Variants in HR observed in about 807,000 individuals in gnomAD.
HR encodes the protein HR lysine demethylase and nuclear receptor corepressor.
Under a neutral mutation model 128.6 loss-of-function variants are expected in HR, and 83 were observed. The ratio of observed to expected loss-of-function variants is 0.65; its 90% CI spans 0.54 to 0.77. HR has a LOEUF of 0.77. Among genes scored for constraint, HR ranks in the 30% least tolerant of loss-of-function variants. The pLI is 0.00. For synonymous variants in HR, 681 were observed against 658.2 expected (o/e 1.03, Z -0.53); for missense variants, 1,490 against 1,574.6 (o/e 0.95, Z 0.91).
chr8:22,123,809 T>A lies in HR; in HGVS notation c.1755A>T (p.Gln585His). The A allele has an allele frequency of 1.3e-6, 2 of 1,598,768 alleles. No homozygotes were observed. The highest frequency in any genetic ancestry group is 1.7e-6 in the Non-Finnish European group (2 of 1,175,628). The change falls in exon 6 of 19, where the codon CAA (glutamine) becomes CAT (histidine). Residue 585 changes from glutamine (Q) to histidine (H), a missense_variant. Transcript: ENST00000381418. ...EALAWAQREG[Q>H]GPAVTEDSPG... ...GGCTGTCCTCTGTCACGGCTGGCCC[T>A]TGGCCTGCTGACCACGGAGAGAACA...
rs1283332728 is a variant in HR, at chr8:22,125,513, A to G, written c.1557-9T>C. On this transcript the variant is annotated splice_polypyrimidine_tract_variant and intron_variant, in intron 4 of 18. Coordinates refer to ENST00000381418, the MANE Select transcript of HR (RefSeq NM_005144.5). Reference sequence around the variant, plus strand: ...CCCCTCCCAGAGGCGATCTGGAGAGAGGGCAGGGGGAGGTGAGCAGGGAGC... The same window carrying G: ...CCCCTCCCAGAGGCGATCTGGAGAGGGGGCAGGGGGAGGTGAGCAGGGAGC... 1.2e-6 allele frequency: 2 copies of G among 1,613,266 alleles called. No individual in the cohort carries two copies. The highest frequency in any genetic ancestry group is 8.5e-7 in the Non-Finnish European group (1 of 1,179,872).
At chr8:22,120,033 G>A (rs1826695627) in intron 13 of HR, 71 bp downstream of exon 13, 1 of 1,563,968 alleles carries the variant, frequency 6.4e-7, no homozygotes, top group African/African-American at 1.4e-5. Context: ...GGCAGAGGAG[G>A]AGGGGAGGGC....
Position 22,116,178 on chromosome 8 carries a change from C to T in HR, c.3507+122G>A, listed in dbSNP as rs1340129166. 2 of 1,359,116 alleles carry T rather than the reference C, an allele frequency of 1.5e-6. No individual in the cohort carries two copies. Among genetic ancestry groups the T allele is most frequent in the Admixed American group, 1.7e-5 (1 of 57,328 alleles). The allele number at this position is 1,359,116 out of a possible 1,614,324, so 84.2% of individuals were successfully genotyped here. A position where few individuals can be genotyped will look rare whatever the true frequency, so the allele number is the denominator to read the frequency against. On this transcript the variant is annotated intron_variant, in intron 18 of 18. Coordinates refer to ENST00000381418, the MANE Select transcript of HR (RefSeq NM_005144.5). This position sits in a 1 kb window ranked among gnomAD's most constrained non-coding sequence, Gnocchi z 4.2. ...AACTAAACAAAAGGAATACTCTGCC[C>T]CTGCACAGGGTGGCTGCCTGCTTGG...
chr8:22,130,273 T>G (rs1292466814), intron 1 of HR, among the ~76,000 whole-genome samples, 155 bp downstream of exon 1: 1 of 152,186 alleles, frequency 6.6e-6, no homozygotes, highest in Admixed American at 6.5e-5. Flanking sequence ...CGCTCCGCCG[T>G]GGTCTGGCCG....
intron 10 of HR, 24 bp downstream of exon 10, chr8:22,121,041 C>T: frequency 6.2e-7 from 1 of 1,613,258 alleles, no homozygotes; most frequent in Non-Finnish European, 8.5e-7. Flanking sequence ...TGGCTCCTAG[C>T]CCTCCCTCCG....
chr8:22,121,505 G>A (rs963055949), intron 9 of HR, 108 bp downstream of exon 9: 2 of 1,168,244 alleles, frequency 1.7e-6, no homozygotes, highest in Non-Finnish European at 1.3e-6. Context: ...TTGGGGGTGG[G>A]GGGGAGTTGC....
chr8:22,129,144 C>T lies in HR; in HGVS notation c.27G>A (p.Lys9=), dbSNP rs77620102. 8,840 of 1,548,222 alleles carry T rather than the reference C, an allele frequency of 5.7e-3. 347 individuals are homozygous for T. The African/African-American group carries it at 0.095, about 17-fold the overall frequency. Residue 9 remains lysine (K), a synonymous_variant, in exon 2 of 19, where the codon AAG becomes AAA. Transcript: ENST00000381418. MESTPSFL[K]GTPTWEKTAP... ...CCGTCTTCTCCCAGGTTGGGGTGCC[C>T]TTCAGGAAGCTGGGCGTACTCTCCA...
At chr8:22,125,932 G>C (rs1826878388) in intron 3 of HR, among the ~76,000 whole-genome samples, 200 bp from the exon 4 acceptor site, 1 of 152,240 alleles carries the variant, frequency 6.6e-6, no homozygotes, top group Non-Finnish European at 1.5e-5. Context: ...GGAGTCTGAG[G>C]ATGCCGTGAC....
At position 22,119,327 on chromosome 8, in the gene HR, A is replaced by G. The variant is rs577519166; in HGVS notation, c.2978-44T>C. ...AGAACAGTTAGAAATGGAATCAGAG[A>G]GCCAGGCGCGGTTGCTCACGCCTGT... On this transcript the variant is annotated intron_variant, in intron 14 of 18. Transcript: ENST00000381418. 257 of 1,612,176 alleles carry G rather than the reference A, an allele frequency of 1.6e-4. 1 individual carries two copies. In the East Asian group the frequency reaches 5.5e-3, roughly 35 times the overall value.
rs888156911 is a variant in HR, at chr8:22,120,398, G to A, written c.2720C>T (p.Pro907Leu). 2 of 1,613,976 alleles carry A rather than the reference G, an allele frequency of 1.2e-6. No individual in the cohort carries two copies. Among genetic ancestry groups the A allele is most frequent in the Admixed American group, 3.3e-5 (2 of 60,032 alleles). The change falls in exon 12 of 19, where the codon CCC (proline) becomes CTC (leucine). Residue 907 changes from proline to leucine, a missense_variant. Pro to Leu is a moderately conservative substitution (Grantham distance 98). Coordinates refer to ENST00000381418, the MANE Select transcript of HR (RefSeq NM_005144.5). Reference protein sequence around the residue: ...QVQALSPLGPPQPSSLGSTTF... With the variant: ...QVQALSPLGPLQPSSLGSTTF... ...TGTGCTGCCCAGGCTGCTGGGCTGGGGAGGTCCGAGGGGGCTCAGCGCCTG... is the reference window on the plus strand; with the variant it reads ...TGTGCTGCCCAGGCTGCTGGGCTGGAGAGGTCCGAGGGGGCTCAGCGCCTG...
In HR at chr8:22,128,879, G is replaced by T; in HGVS notation, c.292C>A (p.Arg98Ser). ...VNWLGSKEGL[R>S]WKEAMLTHPL... ...TGGGTAAGCATGGCCTCCTTCCAGC[G>T]CAGTCCCTCTTTGCTGCCCAGCCAG... is the stretch of plus-strand genomic sequence containing the variant. Residue 98 changes from arginine (R) to serine (S), a missense_variant, in exon 2 of 19, where the codon CGC (arginine) becomes AGC (serine). By Grantham distance (110) the Arg-to-Ser change is moderately radical (BLOSUM62 -1). Around this residue, in one of 3 missense-constraint regions of HR, gnomAD observed 1,060 missense variants for 1,060.9 expected, o/e 1.00. Coordinates refer to ENST00000381418, the MANE Select transcript of HR (RefSeq NM_005144.5). The T allele has an allele frequency of 1.9e-6, 3 of 1,613,432 alleles. No individual in the cohort carries two copies. The highest frequency in any genetic ancestry group is 1.7e-6 in the Non-Finnish European group (2 of 1,180,020).
At chr8:22,128,053 AACT>A in intron 2 of HR, 1 of 624,668 alleles carries the variant, frequency 1.6e-6, no homozygotes, top group Non-Finnish European at 2.9e-6. Flanking sequence ...GAAGTCTAAG[AACT>A]AAAGAGTGAA....
intron 1 of HR, among the ~76,000 whole-genome samples, chr8:22,129,966 G>A (rs1827007615): frequency 6.6e-6 from 1 of 152,210 alleles, no homozygotes; most frequent in Non-Finnish European, 1.5e-5. Context: ...GGATTAAGAA[G>A]CCTCAGCTGG....
intron 3 of HR, 23 bp from the exon 4 acceptor site, chr8:22,125,755 A>G (rs757976427): frequency 5.6e-6 from 9 of 1,612,850 alleles, no homozygotes; most frequent in Non-Finnish European, 7.6e-6. Context: ...TGCAGAGGTC[A>G]GGAATCTGGG....
rs1299807647 is a variant in HR, at chr8:22,116,934, A to G, written c.3319T>C (p.Trp1107Arg). ...RLREEWGVSCWTLLQAPGEAV... is the reference protein window; with the variant it reads ...RLREEWGVSCRTLLQAPGEAV... Reference sequence around the variant, plus strand: ...TCTCCGGGGGCCTGGAGCAGGGTCCAGCAGCTCACGCCCCACTCCTCCCGC... The same window carrying G: ...TCTCCGGGGGCCTGGAGCAGGGTCCGGCAGCTCACGCCCCACTCCTCCCGC... The change falls in exon 17 of 19, where the codon TGG (tryptophan) becomes CGG (arginine). Residue 1107 changes from tryptophan (W) to arginine (R), a missense_variant. Trp to Arg is a moderately radical substitution (Grantham distance 101). Transcript: ENST00000381418. The surrounding 1 kb of genome is among the most constrained non-coding windows in gnomAD (Gnocchi z 4.2). The G allele has an allele frequency of 1.3e-6, 2 of 1,549,430 alleles. No homozygotes were observed. The highest frequency in any genetic ancestry group is 1.4e-5 in the African/African-American group (1 of 73,732).
At chr8:22,123,616 A>AGTC in intron 6 of HR, 33 bp downstream of exon 6, 1 of 562,346 alleles carries the variant, frequency 1.8e-6, no homozygotes, top group South Asian at 2.2e-5. Context: ...TGAGGGCTCC[A>AGTC]TCCCGCCCTC....
In HR at chr8:22,120,899, G is replaced by T. The variant is rs1289087720; in HGVS notation, c.2427C>A (p.Ile809=). The T allele has an allele frequency of 1.3e-6, 2 of 1,557,884 alleles. No individual in the cohort carries two copies. Among genetic ancestry groups the T allele is most frequent in the African/African-American group, 2.7e-5 (2 of 73,514 alleles). Residue 809 remains isoleucine, a synonymous_variant, in exon 11 of 19, where the codon ATC becomes ATA. Coordinates refer to ENST00000381418, the MANE Select transcript of HR (RefSeq NM_005144.5). ...GCCCCGGCCCCAGGGCTTTCTCCTG[G>T]ATCTTCCGTTCCACCACCTGTGCGA... ...SIIAQVVERK[I]QEKALGPGLR...
At chr8:22,125,175 G>C in intron 5 of HR, 136 bp downstream of exon 5, 8 of 834,402 alleles carry the variant, frequency 9.6e-6, no homozygotes, top group Middle Eastern at 3.6e-4. Flanking sequence ...ACACCTTCCT[G>C]ATGTCCCCAC....
At position 22,123,616 on chromosome 8, in the gene HR, A is replaced by AAGCCCCC; in HGVS notation, c.1915+32_1915+33insGGGGGCT. ...TTGCAGCAGTCCCCCTGAGGGCTCC[A>AAGCCCCC]TCCCGCCCTCCCACCCCCAGCCCCT... On this transcript the variant is annotated intron_variant, in intron 6 of 18. Transcript: ENST00000381418. The AAGCCCCC allele has an allele frequency of 5.3e-6, 3 of 562,348 alleles. No individual in the cohort carries two copies. The South Asian group carries it at 6.7e-5, about 12-fold the overall frequency. The allele number at this position is 562,348 out of a possible 1,614,324, so 34.8% of individuals were successfully genotyped here.
Sources: allele counts gnomAD v4.1 joint callset (sites outside exome capture counted in the v4.1 genomes callset), GRCh38; gene constraint gnomAD v4.1.1; regional missense constraint gnomAD v4.1.1; non-coding constraint Gnocchi (gnomAD v3.1); transcripts MANE v1.5; gene names NCBI Gene and HGNC (gene_info 2026-07-23, HGNC 2026-07-21).